Variants in DSP observed in about 807,000 individuals in gnomAD.
DSP encodes desmoplakin, also known as 250/210 kDa paraneoplastic pemphigus antigen.
DSP carries 114 observed loss-of-function variants against 290.6 expected under a neutral mutation model. That is an observed-to-expected ratio of 0.39 (90% CI 0.34 to 0.46). The LOEUF (loss-of-function observed/expected upper bound fraction) is 0.46, where lower values mean the gene tolerates loss of function less well. Among genes scored for constraint, DSP ranks in the 20% least tolerant of loss-of-function variants. The probability of loss-of-function intolerance (pLI) is 0.99; values close to 1 mark genes in which losing one functional copy is unlikely to be tolerated. For synonymous variants in DSP, 1,311 were observed against 1,316.4 expected (o/e 1.00, Z 0.09); for missense variants, 3,230 against 3,495.8 (o/e 0.92, Z 1.92).
intron 7 of DSP, 90 bp from the exon 8 acceptor site, chr6:7,566,286 GT>G (rs2113670767): frequency 1.9e-6 from 2 of 1,045,172 alleles, no homozygotes; most frequent in East Asian, 4.7e-5. Flanking sequence ...CCAAAATGCA[GT>G]TTTGTATTTC....
At position 7,582,676 on chromosome 6, in the gene DSP, G is replaced by A. The variant is rs768161038; in HGVS notation, c.5414G>A (p.Cys1805Tyr). The A allele has an allele frequency of 1.1e-5, 17 of 1,613,694 alleles. No individual in the cohort carries two copies. The South Asian group carries it at 1.8e-4, about 17-fold the overall frequency. The change falls in exon 24 of 24, where the codon TGT becomes TAT. Residue 1805 changes from cysteine to tyrosine, a missense_variant. Physicochemically the swap from Cys to Tyr is radical, Grantham distance 194. Coordinates refer to ENST00000379802, the MANE Select transcript of DSP (RefSeq NM_004415.4). The surrounding 1 kb of genome is among the most constrained non-coding windows in gnomAD (Gnocchi z 4.2). ...AGGATTCAGGAATCAAAGAATCAGT[G>A]TACTCAGGTGGTACAGGAAAGAGAG... ...SNRIQESKNQ[C>Y]TQVVQERESL...
Position 7,573,231 on chromosome 6 carries a change from T to C in DSP, c.2131-855T>C, listed in dbSNP as rs536991757. On this transcript the variant is annotated intron_variant, in intron 15 of 23. Transcript: ENST00000379802. Reference sequence around the variant, plus strand: ...TCATCATTGACCAAAACATCATTAGTAGACACATGACTATACACACACACA... The same window carrying C: ...TCATCATTGACCAAAACATCATTAGCAGACACATGACTATACACACACACA... Among the ~76,000 whole-genome samples, 23 of 152,240 alleles carry C rather than the reference T, an allele frequency of 1.5e-4. No individual in the cohort carries two copies. The Middle Eastern group carries it at 0.017, about 113-fold the overall frequency.
intron 13 of DSP, 46 bp downstream of exon 13, chr6:7,570,609 T>C (rs1033163177): frequency 1.9e-6 from 3 of 1,607,372 alleles, no homozygotes; most frequent in Non-Finnish European, 2.5e-6. Flanking sequence ...AGGGCAGCGC[T>C]GCCCCCCGCA....
intron 10 of DSP, among the ~76,000 whole-genome samples, chr6:7,568,112 T>C (rs752500855): frequency 6.6e-6 from 1 of 152,222 alleles, no homozygotes; most frequent in African/African-American, 2.4e-5. Flanking sequence ...TGCTTCAGTC[T>C]GGGCAATTGG....
rs752314168 is a variant in DSP at position 7,567,793 on chromosome 6, G to T, written c.1153G>T (p.Ala385Ser). ...TCATCCTTCACAGTTTTTTGAAGAG[G>T]CGCAGTCTACTGAAGCATACCTGAA... The part of the protein sequence containing the change: ...NAAYFQFFEE[A>S]QSTEAYLKGL... The change falls in exon 10 of 24, where the codon GCG (alanine) becomes TCG (serine). Residue 385 changes from alanine (A) to serine (S), a missense_variant. Around this residue, in one of 5 missense-constraint regions of DSP, gnomAD observed 646 missense variants for 684.3 expected, o/e 0.94. Transcript: ENST00000379802. The T allele has an allele frequency of 2.5e-6, 4 of 1,613,910 alleles. No individual in the cohort carries two copies. In the South Asian group the frequency reaches 3.3e-5, roughly 13 times the overall value.
At chr6:7,581,687 CT>C in intron 23 of DSP, 118 bp downstream of exon 23, 1 of 1,391,434 alleles carries the variant, frequency 7.2e-7, no homozygotes, top group Non-Finnish European at 9.7e-7. Context: ...TCTAATTTTT[CT>C]TTTTATTGCT....
At chr6:7,543,856 A>G (rs1758093872) in intron 1 of DSP, among the ~76,000 whole-genome samples, 1 of 152,198 alleles carries the variant, frequency 6.6e-6, no homozygotes, top group South Asian at 2.1e-4. Context: ...AACTTTAATA[A>G]ATTAAGTGGT....
intron 6 of DSP, among the ~76,000 whole-genome samples, chr6:7,564,883 G>A (rs945191550): frequency 2.6e-5 from 4 of 152,122 alleles, no homozygotes; most frequent in African/African-American, 9.7e-5. Context: ...GGTGGCTCAC[G>A]CCCATAATTC....
chr6:7,584,882 C>T lies in DSP; in HGVS notation c.7620C>T (p.Asp2540=). 1 of 1,614,196 alleles carries T rather than the reference C, an allele frequency of 6.2e-7. No individual in the cohort carries two copies. The highest frequency in any genetic ancestry group is 1.1e-5 in the South Asian group (1 of 91,086). ...ATGCTATTGACAAGGGCCTTGTTGA[C>T]AGGAAGTTCTTTGATCAGTACCGAT... ...IQDAIDKGLV[D]RKFFDQYRSG... is the part of the protein sequence containing the mutation. The change falls in exon 24 of 24, where the codon GAC becomes GAT. Residue 2540 remains aspartate, a synonymous_variant. Coordinates refer to ENST00000379802, the MANE Select transcript of DSP (RefSeq NM_004415.4). This position sits in a 1 kb window ranked among gnomAD's most constrained non-coding sequence, Gnocchi z 6.4.
chr6:7,585,998 A>G lies in DSP; in HGVS notation c.*120A>G. 9.8e-7 allele frequency: 1 copy of G among 1,018,480 alleles called. No individual in the cohort carries two copies. The highest frequency in any genetic ancestry group is 2.4e-5 in the East Asian group (1 of 42,112). The allele number at this position is 1,018,480 out of a possible 1,614,324, so 63.1% of individuals were successfully genotyped here. On this transcript the variant is annotated 3_prime_UTR_variant, in exon 24 of 24. Transcript: ENST00000379802. The stretch of plus-strand genomic sequence containing the variant: ...GAGTGATAGGACATTCTATGCTTAC[A>G]GAAAATATAGCCATGATTGAAATCA...
In DSP at chr6:7,582,954, G is replaced by C; in HGVS notation, c.5692G>C (p.Glu1898Gln). 3 of 1,614,098 alleles carry C rather than the reference G, an allele frequency of 1.9e-6. No individual in the cohort carries two copies. Among genetic ancestry groups the C allele is most frequent in the Non-Finnish European group, 1.7e-6 (2 of 1,180,020 alleles). Reference sequence around the variant, plus strand: ...GAGAGAGAAGAACAGTCTTAGGAGTGAGATCGAAAGACTCCAAGCAGAGAT... The same window carrying C: ...GAGAGAGAAGAACAGTCTTAGGAGTCAGATCGAAAGACTCCAAGCAGAGAT... The part of the protein sequence containing the change: ...SEREKNSLRS[E>Q]IERLQAEIKR... The change falls in exon 24 of 24, where the codon GAG becomes CAG. Residue 1898 changes from glutamate to glutamine, a missense_variant. Glu to Gln is a conservative substitution (Grantham distance 29, BLOSUM62 2). Around this residue, in one of 5 missense-constraint regions of DSP, gnomAD observed 1,714 missense variants for 1,844.5 expected, o/e 0.93. Coordinates refer to ENST00000379802, the MANE Select transcript of DSP (RefSeq NM_004415.4). The surrounding 1 kb of genome is among the most constrained non-coding windows in gnomAD (Gnocchi z 4.2).
Position 7,585,083 on chromosome 6 carries a change from C to G in DSP, c.7821C>G (p.Ser2607Arg). ...TCAGGAATTTAACCATAAGGAGCAG[C>G]TCTTTTTCAGACACCCTGGAAGAAT... Reference protein sequence around the residue: ...SSVRNLTIRSSSFSDTLEESS... With the variant: ...SSVRNLTIRSRSFSDTLEESS... Residue 2607 changes from serine to arginine, a missense_variant, in exon 24 of 24, where the codon AGC becomes AGG. Ser to Arg is a moderately radical substitution (Grantham distance 110). Coordinates refer to ENST00000379802, the MANE Select transcript of DSP (RefSeq NM_004415.4). The G allele has an allele frequency of 6.2e-7, 1 of 1,614,218 alleles. No individual in the cohort carries two copies. Among genetic ancestry groups the G allele is most frequent in the Middle Eastern group, 1.6e-4 (1 of 6,062 alleles).
chr6:7,577,251 T>G (rs1361411399), intron 20 of DSP, among the ~76,000 whole-genome samples: 1 of 152,252 alleles, frequency 6.6e-6, no homozygotes, highest in Non-Finnish European at 1.5e-5. Flanking sequence ...CTGGTTTCTA[T>G]TCTTTGACTG....
In DSP at chr6:7,582,643, C is replaced by A. The variant is rs1759474651; in HGVS notation, c.5381C>A (p.Ala1794Glu). 1 of 1,609,288 alleles carries A rather than the reference C, an allele frequency of 6.2e-7. No individual in the cohort carries two copies. The highest frequency in any genetic ancestry group is 2.2e-5 in the East Asian group (1 of 44,842). Residue 1794 changes from alanine to glutamate, a missense_variant and splice_region_variant, in exon 24 of 24, where the codon GCA (alanine) becomes GAA (glutamate). Physicochemically the swap from Ala to Glu is moderately radical, Grantham distance 107 (BLOSUM62 -1). This residue lies in a region of DSP where 1,714 missense variants were observed against 1,844.5 expected (regional missense o/e 0.93). Transcript: ENST00000379802. The surrounding 1 kb of genome is among the most constrained non-coding windows in gnomAD (Gnocchi z 4.2). ...IEKFQKQALE[A>E]SNRIQESKNQ... ...CATTTCTTTCTTCTTCAATTCCAGG[C>A]ATCTAATAGGATTCAGGAATCAAAG...
rs1759682368 is a variant in DSP at position 7,586,548 on chromosome 6, C to A, written c.*670C>A. The A allele has an allele frequency of 6.6e-6, 1 of 152,160 alleles. No individual in the cohort carries two copies. The highest frequency in any genetic ancestry group is 6.5e-5 in the Admixed American group (1 of 15,280). 9.4% of individuals were successfully genotyped at this position (152,160 alleles called of 1,614,324 possible). A position where few individuals can be genotyped will look rare whatever the true frequency, so the allele number is the denominator to read the frequency against. On this transcript the variant is annotated 3_prime_UTR_variant, in exon 24 of 24. Transcript: ENST00000379802. The stretch of plus-strand genomic sequence containing the variant: ...AGGTGTCTTTATGAAGTTTGCTATT[C>A]TGGCAATAAACTTTTAGACTTTTGA...
At chr6:7,574,309 GTCT>G in intron 16 of DSP, 57 bp downstream of exon 16, 1 of 1,542,204 alleles carries the variant, frequency 6.5e-7, no homozygotes, top group Non-Finnish European at 8.9e-7. Flanking sequence ...CTTTTTCTGG[GTCT>G]TCATTTGCTT....
At position 7,565,383 on chromosome 6, in the gene DSP, C is replaced by A. The variant is rs1321783023; in HGVS notation, c.802C>A (p.His268Asn). 4.3e-6 allele frequency: 7 copies of A among 1,614,088 alleles called. No individual in the cohort carries two copies. The highest frequency in any genetic ancestry group is 5.9e-6 in the Non-Finnish European group (7 of 1,180,022). ...GAAAGCGTCCTTTGAGAGGATGGAT[C>A]ACCTGCGACAGCTGCAGAACATCAT... ...LLKASFERMD[H>N]LRQLQNIIQA... Residue 268 changes from histidine to asparagine, a missense_variant, in exon 7 of 24, where the codon CAC (histidine) becomes AAC (asparagine). Coordinates refer to ENST00000379802, the MANE Select transcript of DSP (RefSeq NM_004415.4). The surrounding 1 kb of genome is among the most constrained non-coding windows in gnomAD (Gnocchi z 4.2).
At chr6:7,568,301 A>ATT in intron 10 of DSP, 136 bp from the exon 11 acceptor site, 1 of 1,010,608 alleles carries the variant, frequency 9.9e-7, no homozygotes, top group Admixed American at 2.0e-5. Flanking sequence ...CCTGCCGACG[A>ATT]ATTTGTGATT....
chr6:7,577,963 C>A (rs1035025284), intron 21 of DSP, 77 bp downstream of exon 21: 2 of 1,150,078 alleles, frequency 1.7e-6, no homozygotes, highest in Non-Finnish European at 2.6e-6. Context: ...CCTGCCTCTT[C>A]CCTTTTCCCT....
Sources: allele counts gnomAD v4.1 joint callset (sites outside exome capture counted in the v4.1 genomes callset), GRCh38; gene constraint gnomAD v4.1.1; regional missense constraint gnomAD v4.1.1; non-coding constraint Gnocchi (gnomAD v3.1); transcripts MANE v1.5; gene names NCBI Gene and HGNC (gene_info 2026-07-23, HGNC 2026-07-21).